Variants in ZBTB20 observed in about 807,000 individuals in gnomAD.
The protein encoded by ZBTB20 is zinc finger and BTB domain-containing protein 20.
ZBTB20 carries 9 observed loss-of-function variants against 56.9 expected under a neutral mutation model. The observed-to-expected ratio is 0.16, with a 90% CI of 0.10 to 0.28. The LOEUF is 0.28. ZBTB20 is among the 10% of genes least tolerant of loss of function. ZBTB20 has a pLI of 1.00. For synonymous variants in ZBTB20, 417 were observed against 420.7 expected (o/e 0.99, Z 0.11); for missense variants, 655 against 1,003.0 (o/e 0.65, Z 4.69).
chr3:114,574,072 T>C (rs1423975082), intron 6 of ZBTB20, among the ~76,000 whole-genome samples: 2 of 152,168 alleles, frequency 1.3e-5, no homozygotes, highest in Non-Finnish European at 2.9e-5. Flanking sequence ...AGTTGTGTTA[T>C]TTTATAAACT....
intron 2 of ZBTB20, among the ~76,000 whole-genome samples, chr3:115,052,948 C>G (rs2081608192): frequency 6.6e-6 from 1 of 152,080 alleles, no homozygotes; most frequent in African/African-American, 2.4e-5. Flanking sequence ...ACGTTTATAG[C>G]TAATCAAACT....
intron 5 of ZBTB20, among the ~76,000 whole-genome samples, chr3:114,715,767 TA>T (rs2064435133): frequency 6.6e-6 from 1 of 152,204 alleles, no homozygotes. Context: ...TGCACAGTAT[TA>T]AATAAGATCT....
At chr3:114,632,854 A>G (rs1356205385) in intron 6 of ZBTB20, among the ~76,000 whole-genome samples, 1 of 152,198 alleles carries the variant, frequency 6.6e-6, no homozygotes, top group East Asian at 1.9e-4. Flanking sequence ...CACAAGAATC[A>G]TTCTCTTAAT....
At chr3:114,774,933 A>G (rs2069476057) in intron 5 of ZBTB20, among the ~76,000 whole-genome samples, 2 of 152,232 alleles carry the variant, frequency 1.3e-5, no homozygotes, top group East Asian at 3.9e-4. Context: ...GAAAAGAAAA[A>G]ACTTCCAGCA....
At chr3:114,522,418 G>T (rs1577270096) in intron 6 of ZBTB20, among the ~76,000 whole-genome samples, 1 of 152,272 alleles carries the variant, frequency 6.6e-6, no homozygotes, top group East Asian at 1.9e-4. Flanking sequence ...GGAGGGTCTT[G>T]TGAACTACTG....
rs147652030 is a variant in ZBTB20 at position 114,763,484 on chromosome 3, A to G, written c.-343+37617T>C. Among the ~76,000 whole-genome samples the G allele has an allele frequency of 3.0e-3, 453 of 152,298 alleles. 2 individuals carry two copies. The highest frequency in any genetic ancestry group is 9.6e-3 in the African/African-American group (400 of 41,574). Reference sequence around the variant, plus strand: ...GGATCAAGTGTTTTGATCATTGCATAGAACATATGCATAGAACATAGAATA... The same window carrying G: ...GGATCAAGTGTTTTGATCATTGCATGGAACATATGCATAGAACATAGAATA... On this transcript the variant is annotated intron_variant, in intron 5 of 11. Coordinates refer to ENST00000675478, the MANE Select transcript of ZBTB20 (RefSeq NM_001348800.3).
intron 2 of ZBTB20, among the ~76,000 whole-genome samples, chr3:115,043,986 C>T (rs964270940): frequency 6.6e-6 from 1 of 152,110 alleles, no homozygotes; most frequent in Non-Finnish European, 1.5e-5. Flanking sequence ...ATGCATGTGG[C>T]ACCTCCTCAC....
chr3:114,414,267 C>T (rs76711475), intron 7 of ZBTB20, among the ~76,000 whole-genome samples: 6,772 of 152,056 alleles, frequency 0.045, 259 homozygotes, highest in African/African-American at 0.11. Flanking sequence ...AAGTAATATC[C>T]AAGAAGTGAA....
intron 1 of ZBTB20, among the ~76,000 whole-genome samples, chr3:115,073,132 T>C (rs570739987): frequency 1.3e-5 from 2 of 152,320 alleles, no homozygotes; most frequent in African/African-American, 4.8e-5. Flanking sequence ...AATATTCCCC[T>C]ATCCTGTCAG....
At chr3:114,375,409 G>A (rs960589139) in intron 10 of ZBTB20, among the ~76,000 whole-genome samples, 2 of 152,178 alleles carry the variant, frequency 1.3e-5, no homozygotes, top group Non-Finnish European at 2.9e-5. Flanking sequence ...TACTCTTTAA[G>A]TCAGGGGTTC....
At position 114,586,468 on chromosome 3, in the gene ZBTB20, GGCGATGTCACACTGACATGT is replaced by G. The variant is rs543911380; in HGVS notation, c.-294-86097_-294-86078del. ...AGTAGATCCTGAGAAGCTAAGGCCT[GGCGATGTCACACTGACATGT>G]GATTTAGCATATGACTGTTTTGGTG... On this transcript the variant is annotated intron_variant, in intron 6 of 11. Coordinates refer to ENST00000675478, the MANE Select transcript of ZBTB20 (RefSeq NM_001348800.3). Among the ~76,000 whole-genome samples the G allele has an allele frequency of 3.9e-3, 587 of 152,278 alleles. 2 individuals are homozygous for G. The highest frequency in any genetic ancestry group is 0.024 in the Middle Eastern group (7 of 292).
chr3:114,932,101 G>C (rs568633965), intron 3 of ZBTB20, among the ~76,000 whole-genome samples: 7 of 152,256 alleles, frequency 4.6e-5, no homozygotes, highest in Non-Finnish European at 1.0e-4. Context: ...GATCTGGTAG[G>C]CAGGAAATTC....
At chr3:114,844,195 AAAG>A (rs1310238280) in intron 4 of ZBTB20, among the ~76,000 whole-genome samples, 16 of 151,646 alleles carry the variant, frequency 1.1e-4, no homozygotes, top group African/African-American at 3.9e-4. Flanking sequence ...ATACTGAGTG[AAAG>A]AAGGACAAAA....
At chr3:114,724,095 G>A (rs1187874867) in intron 5 of ZBTB20, among the ~76,000 whole-genome samples, 1 of 151,524 alleles carries the variant, frequency 6.6e-6, no homozygotes, top group South Asian at 2.1e-4. Context: ...GGATGGTCTC[G>A]ATCTCCTGAC....
intron 4 of ZBTB20, among the ~76,000 whole-genome samples, chr3:114,839,451 GAA>G (rs994814787): frequency 1.3e-5 from 2 of 150,678 alleles, no homozygotes; most frequent in African/African-American, 4.9e-5. Flanking sequence ...AAGAAAGAAA[GAA>G]AGAAAGAAAG....
At chr3:114,649,763 C>T (rs764038639) in intron 6 of ZBTB20, among the ~76,000 whole-genome samples, 10 of 151,888 alleles carry the variant, frequency 6.6e-5, no homozygotes, top group Non-Finnish European at 1.5e-4. Flanking sequence ...TTTAAATTTA[C>T]ACTAGGTAAA....
At chr3:114,869,177 T>C (rs2107529597) in intron 4 of ZBTB20, among the ~76,000 whole-genome samples, 1 of 152,278 alleles carries the variant, frequency 6.6e-6, no homozygotes, top group South Asian at 2.1e-4. Flanking sequence ...TCTGCATTTG[T>C]TATGTAGCAT....
intron 4 of ZBTB20, among the ~76,000 whole-genome samples, chr3:114,830,293 A>C (rs935739505): frequency 1.3e-5 from 2 of 152,008 alleles, no homozygotes; most frequent in African/African-American, 4.8e-5. Context: ...GATTCACCAC[A>C]GGATGCTTTT....
At chr3:114,432,245 A>T (rs939554767) in intron 7 of ZBTB20, among the ~76,000 whole-genome samples, 2 of 152,106 alleles carry the variant, frequency 1.3e-5, no homozygotes, top group Non-Finnish European at 2.9e-5. Flanking sequence ...AACTGTACCC[A>T]TTTACCTCAG....
Sources: gnomAD v4.1 joint callset for allele counts (sites outside exome capture counted in the v4.1 genomes callset) on GRCh38, gnomAD v4.1.1 for gene constraint, MANE v1.5 for transcripts, NCBI Gene and HGNC (gene_info 2026-07-23, HGNC 2026-07-21) for gene names.